Variants in VNN2 observed in about 807,000 individuals in gnomAD.
VNN2 encodes the protein pantetheine hydrolase VNN2.
In VNN2, 43 loss-of-function variants were observed where a neutral mutation model predicts 43.0. The observed-to-expected ratio is 1.00, with a 90% CI of 0.78 to 1.29. VNN2 has a LOEUF of 1.29. Among genes scored for constraint, VNN2 ranks in the 50% most tolerant of loss-of-function variants. VNN2 has a pLI of 0.00. For synonymous variants in VNN2, 230 were observed against 224.3 expected, an observed-to-expected ratio of 1.03 and a Z score of -0.23; for missense variants, 652 against 619.7, an observed-to-expected ratio of 1.05 and a Z score of -0.55.
chr6:132,761,685 G>A (rs114207774), upstream of VNN2, among the ~76,000 whole-genome samples: 1,023 of 152,064 alleles, frequency 6.7e-3, 18 homozygotes, highest in African/African-American at 0.024. Flanking sequence ...GCAAATAAAC[G>A]AAAAACAGTA....
At chr6:132,756,367 C>G (rs922063046) in intron 2 of VNN2, among the ~76,000 whole-genome samples, 1 of 152,168 alleles carries the variant, frequency 6.6e-6, no homozygotes, top group Admixed American at 6.5e-5. Flanking sequence ...TCCAAACATG[C>G]CCTTCCAAAT....
chr6:132,755,368 CTTTTTCTTT>C (rs1214241802), intron 3 of VNN2, among the ~76,000 whole-genome samples: 7 of 127,118 alleles, frequency 5.5e-5, no homozygotes, highest in East Asian at 4.4e-4. Context: ...TTTCTTTTTT[CTTTTTCTTT>C]TTTTTCTTTT....
At chr6:132,757,977 T>C, upstream of VNN2, 4 of 887,602 alleles carry the variant, frequency 4.5e-6, no homozygotes, top group Non-Finnish European at 6.4e-6. Context: ...TGCCAGTTAC[T>C]GGCCTTTTAC....
chr6:132,759,147 T>C (rs1277299699), upstream of VNN2, among the ~76,000 whole-genome samples: 1 of 151,964 alleles, frequency 6.6e-6, no homozygotes, highest in African/African-American at 2.4e-5. Flanking sequence ...TTAAAAACAA[T>C]GCTAACAGGC....
At chr6:132,747,538 A>T (rs779711327) in intron 6 of VNN2, among the ~76,000 whole-genome samples, 3 of 152,022 alleles carry the variant, frequency 2.0e-5, no homozygotes, top group Non-Finnish European at 2.9e-5. Flanking sequence ...AATCGCTTGA[A>T]CCCAAGAGGC....
intron 2 of VNN2, among the ~76,000 whole-genome samples, chr6:132,756,515 G>A (rs1780488027): frequency 1.3e-5 from 2 of 152,018 alleles, no homozygotes; most frequent in South Asian, 4.1e-4. Context: ...TCTTACTAAT[G>A]CCAGCAGTGA....
intron 3 of VNN2, 77 bp from the exon 4 acceptor site, chr6:132,752,826 G>C (rs2114579363): frequency 6.7e-7 from 1 of 1,500,554 alleles, no homozygotes; most frequent in Non-Finnish European, 9.0e-7. Flanking sequence ...CTCTAAGTTG[G>C]TAACAGATTT....
At chr6:132,749,134 C>G (rs1779897671) in intron 6 of VNN2, among the ~76,000 whole-genome samples, 2 of 152,210 alleles carry the variant, frequency 1.3e-5, no homozygotes, top group South Asian at 4.1e-4. Context: ...ACAATATTTT[C>G]CCCTCCTTGA....
intron 3 of VNN2, 22 bp downstream of exon 3, chr6:132,755,821 C>T: frequency 6.3e-7 from 1 of 1,587,788 alleles, no homozygotes; most frequent in Non-Finnish European, 8.6e-7. Context: ...CTCCATTTTA[C>T]ACGTCCGTCA....
upstream of VNN2, chr6:132,758,040 T>TTCTTCTTCTTCTTCTTCTTCTTC (rs878967068): frequency 1.1e-5 from 2 of 185,752 alleles, no homozygotes; most frequent in African/African-American, 5.0e-5. Context: ...CTTCTTCTTC[T>TTCTTCTTCTTCTTCTTCTTCTTC]TTTTTTTTTT....
At position 132,751,153 on chromosome 6, in the gene VNN2, A is replaced by G; in HGVS notation, c.1192T>C (p.Tyr398His). ...TGLHGRRRRE[Y>H]WQVCTLLKCK... ...ATTTGAACTGAAATTACCTGCCAGT[A>G]CTCTCTTCTCCTTCGGCCATGTAAT... Residue 398 changes from tyrosine (Y) to histidine (H), a missense_variant, in exon 5 of 7, where the codon TAC (tyrosine) becomes CAC (histidine). Coordinates refer to ENST00000326499, the MANE Select transcript of VNN2 (RefSeq NM_004665.6). 1 of 1,591,142 alleles carries G rather than the reference A, an allele frequency of 6.3e-7. No homozygotes were observed. Among genetic ancestry groups the G allele is most frequent in the Non-Finnish European group, 8.6e-7 (1 of 1,169,030 alleles).
At chr6:132,761,473 G>T (rs905880326), upstream of VNN2, among the ~76,000 whole-genome samples, 1 of 151,650 alleles carries the variant, frequency 6.6e-6, no homozygotes, top group East Asian at 1.9e-4. Context: ...CAGCCTGGCC[G>T]ACATAGTGAA....
intron 4 of VNN2, 38 bp from the exon 5 acceptor site, chr6:132,751,556 C>A: frequency 1.3e-6 from 2 of 1,559,778 alleles, no homozygotes; most frequent in African/African-American, 2.7e-5. Context: ...AACAACACCA[C>A]ACACAAAAAA....
At chr6:132,755,680 T>A (rs2114607542) in intron 3 of VNN2, among the ~76,000 whole-genome samples, 163 bp downstream of exon 3, 1 of 152,226 alleles carries the variant, frequency 6.6e-6, no homozygotes, top group East Asian at 1.9e-4. Flanking sequence ...CAGCCAAAAG[T>A]GTCATTTTCT....
chr6:132,751,628 G>C (rs770962762), intron 4 of VNN2, 110 bp from the exon 5 acceptor site: 1 of 1,279,962 alleles, frequency 7.8e-7, no homozygotes, highest in Admixed American at 2.6e-5. Context: ...TATTAGTCAC[G>C]ATGAGAGAGG....
intron 5 of VNN2, 130 bp downstream of exon 5, chr6:132,751,011 TTGTG>T (rs1554217890): frequency 3.5e-5 from 33 of 935,306 alleles, no homozygotes; most frequent in Non-Finnish European, 4.7e-5. Context: ...TGTGTGTGTG[TTGTG>T]TGTGTGTGTG....
Position 132,753,103 on chromosome 6 carries a change from G to A in VNN2, c.538-354C>T, listed in dbSNP as rs546051050. On this transcript the variant is annotated intron_variant, in intron 3 of 6. Transcript: ENST00000326499. The stretch of plus-strand genomic sequence containing the variant: ...GCTCTATCACCCAGGCTGGAGTGCA[G>A]TGGCATGATTTCGGCTCACTGCAAT... 6 of 203,470 alleles carry A rather than the reference G, an allele frequency of 2.9e-5. No homozygotes were observed. In the South Asian group the frequency reaches 4.5e-4, roughly 15 times the overall value. The allele number at this position is 203,470 out of a possible 1,614,324, so 12.6% of individuals were successfully genotyped here.
At chr6:132,756,873 C>T (rs548237050) in intron 2 of VNN2, among the ~76,000 whole-genome samples, 1 of 152,174 alleles carries the variant, frequency 6.6e-6, no homozygotes, top group East Asian at 1.9e-4. Context: ...CACGTTGACA[C>T]CTCCAGGATG....
Position 132,757,534 on chromosome 6 carries a change from T to C in VNN2, c.226A>G (p.Ile76Val), listed in dbSNP as rs372958922. The part of the protein sequence containing the change: ...KQAAEQGARI[I>V]VTPEDALYGW... ...TAAAGTGCATCTTCTGGAGTCACAA[T>C]GATTCGAGCACCCTGTTCAAAACAA... The change falls in exon 2 of 7, where the codon ATT becomes GTT. Residue 76 changes from isoleucine to valine, a missense_variant. By Grantham distance (29) the Ile-to-Val change is conservative. Transcript: ENST00000326499. The C allele has an allele frequency of 5.6e-6, 9 of 1,613,796 alleles. No individual in the cohort carries two copies. Among genetic ancestry groups the C allele is most frequent in the Non-Finnish European group, 7.6e-6 (9 of 1,179,926 alleles).
Sources: gnomAD v4.1 joint callset for allele counts (sites outside exome capture counted in the v4.1 genomes callset) on GRCh38, gnomAD v4.1.1 for gene constraint, MANE v1.5 for transcripts, NCBI Gene and HGNC (gene_info 2026-07-23, HGNC 2026-07-21) for gene names.